SPHKAP: variants seen among roughly 807,000 people sequenced by gnomAD.
SPHKAP encodes the protein SPHK1 interactor, AKAP domain containing, also known as A-kinase anchor protein SPHKAP.
SPHKAP carries 67 observed loss-of-function variants against 137.5 expected under a neutral mutation model. The observed-to-expected ratio is 0.49, with a 90% CI of 0.40 to 0.60. SPHKAP has a LOEUF of 0.60. Ranked by LOEUF, SPHKAP falls within the 20% of genes least tolerant of loss-of-function variation. The pLI is 0.00. For synonymous variants in SPHKAP, 813 were observed against 785.3 expected, an observed-to-expected ratio of 1.04 and a Z score of -0.59; for missense variants, 2,097 against 2,069.3, an observed-to-expected ratio of 1.01 and a Z score of -0.26.
At chr2:227,990,463 T>A (rs774674575) in intron 11 of SPHKAP, among the ~76,000 whole-genome samples, 1 of 152,194 alleles carries the variant, frequency 6.6e-6, no homozygotes, top group African/African-American at 2.4e-5. Flanking sequence ...CTTAGAGATA[T>A]AGAATTAGAG....
At chr2:228,170,421 A>G (rs1700548478) in intron 1 of SPHKAP, among the ~76,000 whole-genome samples, 1 of 152,146 alleles carries the variant, frequency 6.6e-6, no homozygotes, top group Non-Finnish European at 1.5e-5. Context: ...ACAGCATAGT[A>G]TGCTACAGAG....
rs10176864 is a variant in SPHKAP at position 228,161,712 on chromosome 2, T to A, written c.32+19855A>T. ...CCTTGGAACTAAAAATAGAACAAAA[T>A]AAAATAAAATAAAATAAAATAAAAT... On this transcript the variant is annotated intron_variant, in intron 1 of 11. Coordinates refer to ENST00000392056, the MANE Select transcript of SPHKAP (RefSeq NM_001142644.2). 5.0e-3 allele frequency among the ~76,000 whole-genome samples: 225 copies of A among 45,098 alleles called. 1 individual carries two copies. Among genetic ancestry groups the A allele is most frequent in the Non-Finnish European group, 8.1e-3 (189 of 23,312 alleles). 29.6% of individuals were successfully genotyped at this position (45,098 alleles called of 152,430 possible).
intron 1 of SPHKAP, among the ~76,000 whole-genome samples, chr2:228,153,907 T>C (rs1006089886): frequency 2.0e-5 from 3 of 152,076 alleles, no homozygotes; most frequent in Non-Finnish European, 4.4e-5. Flanking sequence ...CTTAATAATA[T>C]TTGTGAGCAG....
At chr2:228,048,272 A>G (rs1407311010) in intron 3 of SPHKAP, among the ~76,000 whole-genome samples, 2 of 151,278 alleles carry the variant, frequency 1.3e-5, no homozygotes, top group Admixed American at 6.6e-5. Context: ...TTTGGTTTAC[A>G]TAGAAAAATA....
chr2:228,003,893 T>G (rs1035277375), intron 7 of SPHKAP, among the ~76,000 whole-genome samples: 2 of 152,226 alleles, frequency 1.3e-5, no homozygotes, highest in Non-Finnish European at 1.5e-5. Context: ...GAACCAGCCT[T>G]GCATCCCAGG....
Position 228,096,039 on chromosome 2 carries a change from T to G in SPHKAP, c.246+12793A>C, listed in dbSNP as rs532935205. On this transcript the variant is annotated intron_variant, in intron 3 of 11. Coordinates refer to ENST00000392056, the MANE Select transcript of SPHKAP (RefSeq NM_001142644.2). ...AAATGCTTTAAAGTGTTAAGTAATG[T>G]TTAAAAATTTTGCATGAACATGGGT... 2.0e-5 allele frequency among the ~76,000 whole-genome samples: 3 copies of G among 152,308 alleles called. No individual in the cohort carries two copies. In the East Asian group the frequency reaches 5.8e-4, roughly 29 times the overall value.
intron 1 of SPHKAP, among the ~76,000 whole-genome samples, chr2:228,179,550 C>A (rs1700839852): frequency 6.6e-6 from 1 of 151,940 alleles, no homozygotes; most frequent in Non-Finnish European, 1.5e-5. Flanking sequence ...AATAAAATAC[C>A]CGAAATTACT....
chr2:228,004,546 C>G (rs1010074998), intron 7 of SPHKAP, among the ~76,000 whole-genome samples: 2 of 152,110 alleles, frequency 1.3e-5, no homozygotes, highest in African/African-American at 4.8e-5. Context: ...TTTTTTGTGT[C>G]TCTATCTCCT....
At position 228,119,471 on chromosome 2, in the gene SPHKAP, A is replaced by ACACT. The variant is rs974795452; in HGVS notation, c.139-10533_139-10532insAGTG. 5.4e-5 allele frequency among the ~76,000 whole-genome samples: 8 copies of ACACT among 148,554 alleles called. No individual in the cohort carries two copies. In the South Asian group the frequency reaches 6.4e-4, roughly 12 times the overall value. On this transcript the variant is annotated intron_variant, in intron 2 of 11. Coordinates refer to ENST00000392056, the MANE Select transcript of SPHKAP (RefSeq NM_001142644.2). ...AAGCCTAGTATACACACACACACAC[A>ACACT]CTCTCTCTCTCTCTCTCTCTCTCTC...
Position 228,035,012 on chromosome 2 carries a change from T to G in SPHKAP, c.247-7469A>C, listed in dbSNP as rs1487036420. ...CTCTCACCACTCCTATTCAACATAG[T>G]GTTGGAAGTTCTGGCCAGGGCAATT... On this transcript the variant is annotated intron_variant, in intron 3 of 11. Coordinates refer to ENST00000392056, the MANE Select transcript of SPHKAP (RefSeq NM_001142644.2). 2.7e-5 allele frequency among the ~76,000 whole-genome samples: 4 copies of G among 150,456 alleles called. No individual in the cohort carries two copies. In the East Asian group the frequency reaches 7.8e-4, roughly 29 times the overall value.
At chr2:228,035,343 C>T (rs1695544452) in intron 3 of SPHKAP, among the ~76,000 whole-genome samples, 1 of 151,908 alleles carries the variant, frequency 6.6e-6, no homozygotes, top group African/African-American at 2.4e-5. Flanking sequence ...AGGACCTCTT[C>T]AAGGAGAACT....
At chr2:228,066,030 C>T (rs1696817671) in intron 3 of SPHKAP, among the ~76,000 whole-genome samples, 1 of 152,114 alleles carries the variant, frequency 6.6e-6, no homozygotes, top group Non-Finnish European at 1.5e-5. Context: ...AAATGGCATC[C>T]TTTATTCTGG....
At chr2:228,134,326 G>A (rs1037584214) in intron 1 of SPHKAP, among the ~76,000 whole-genome samples, 6 of 152,084 alleles carry the variant, frequency 3.9e-5, no homozygotes, top group Admixed American at 3.9e-4. Context: ...TCCATTTCCT[G>A]GCTGCCAATC....
chr2:227,985,263 A>C (rs528153850), intron 11 of SPHKAP, among the ~76,000 whole-genome samples: 98 of 152,152 alleles, frequency 6.4e-4, no homozygotes, highest in Non-Finnish European at 8.8e-4. Flanking sequence ...CACTAAATAG[A>C]GCATGCTCTG....
intron 7 of SPHKAP, among the ~76,000 whole-genome samples, chr2:228,006,462 T>G (rs1003932878): frequency 6.6e-6 from 1 of 152,186 alleles, no homozygotes; most frequent in Non-Finnish European, 1.5e-5. Context: ...TCAAGGTTTT[T>G]AACTTCTTTG....
intron 3 of SPHKAP, among the ~76,000 whole-genome samples, chr2:228,101,791 A>G (rs1381592657): frequency 3.9e-5 from 6 of 152,206 alleles, no homozygotes; most frequent in Non-Finnish European, 8.8e-5. Context: ...TAGACATACC[A>G]TCTTGTACCA....
intron 1 of SPHKAP, among the ~76,000 whole-genome samples, chr2:228,160,575 G>C (rs768357207): frequency 6.6e-6 from 1 of 152,130 alleles, no homozygotes; most frequent in Non-Finnish European, 1.5e-5. Flanking sequence ...GCAGCATGGG[G>C]GGTAATCGCC....
At chr2:227,999,542 G>A (rs1485981414) in intron 7 of SPHKAP, among the ~76,000 whole-genome samples, 2 of 152,196 alleles carry the variant, frequency 1.3e-5, no homozygotes, top group Non-Finnish European at 2.9e-5. Context: ...AGAATCTCAT[G>A]TTATTAGAAA....
chr2:228,098,810 T>C (rs1698092306), intron 3 of SPHKAP, among the ~76,000 whole-genome samples: 1 of 134,812 alleles, frequency 7.4e-6, no homozygotes, highest in South Asian at 2.3e-4. Flanking sequence ...CATTTTTTAA[T>C]GGGGTTTTTT....
Sources: allele counts gnomAD v4.1 joint callset (sites outside exome capture counted in the v4.1 genomes callset), GRCh38; gene constraint gnomAD v4.1.1; transcripts MANE v1.5; gene names NCBI Gene and HGNC (gene_info 2026-07-23, HGNC 2026-07-21).